HS6ST3: variants seen among roughly 807,000 people sequenced by gnomAD.
HS6ST3 encodes heparan sulfate 6-O-sulfotransferase 3.
Under a neutral mutation model 36.7 loss-of-function variants are expected in HS6ST3, and 12 were observed. That is an observed-to-expected ratio of 0.33 (90% CI 0.21 to 0.53). The LOEUF (loss-of-function observed/expected upper bound fraction) is 0.53, where lower values mean the gene tolerates loss of function less well. HS6ST3 is among the 20% of genes least tolerant of loss of function. The probability of loss-of-function intolerance (pLI) is 0.95; values close to 1 mark genes in which losing one functional copy is unlikely to be tolerated. For synonymous variants in HS6ST3, 240 were observed against 257.5 expected, an observed-to-expected ratio of 0.93 and a Z score of 0.65; for missense variants, 584 against 640.9, an observed-to-expected ratio of 0.91 and a Z score of 0.96.
chr13:96,610,691 G>A (rs1336873906), intron 1 of HS6ST3, among the ~76,000 whole-genome samples: 1 of 152,028 alleles, frequency 6.6e-6, no homozygotes, highest in Non-Finnish European at 1.5e-5. Flanking sequence ...ATGTTAATTA[G>A]AATACCTTCT....
At chr13:96,667,456 G>A (rs996662175) in intron 1 of HS6ST3, among the ~76,000 whole-genome samples, 3 of 152,124 alleles carry the variant, frequency 2.0e-5, no homozygotes, top group Non-Finnish European at 2.9e-5. Flanking sequence ...TGGTGAGAAC[G>A]TAAATTTTAC....
At position 96,528,091 on chromosome 13, in the gene HS6ST3, G is replaced by A. The variant is rs539134438; in HGVS notation, c.708-304399G>A. Among the ~76,000 whole-genome samples, 7 of 152,276 alleles carry A rather than the reference G, an allele frequency of 4.6e-5. No individual in the cohort carries two copies. The East Asian group carries it at 1.4e-3, about 29-fold the overall frequency. ...AATTACATTAAATCTTGAGCTGTGA[G>A]TACACATCTTTTTAACATTCTTTTT... is the stretch of plus-strand genomic sequence containing the variant. On this transcript the variant is annotated intron_variant, in intron 1 of 1. Transcript: ENST00000376705.
intron 1 of HS6ST3, among the ~76,000 whole-genome samples, chr13:96,327,482 A>G (rs1477302236): frequency 2.0e-5 from 3 of 151,974 alleles, no homozygotes; most frequent in African/African-American, 4.8e-5. Context: ...CAAAGATCAG[A>G]TAGTTGTAGA....
intron 1 of HS6ST3, among the ~76,000 whole-genome samples, chr13:96,470,859 T>G (rs2138890312): frequency 6.6e-6 from 1 of 152,292 alleles, no homozygotes. Flanking sequence ...CCACCTCCAA[T>G]TTACCATTTA....
At chr13:96,373,356 T>G (rs571418678) in intron 1 of HS6ST3, among the ~76,000 whole-genome samples, 1 of 152,222 alleles carries the variant, frequency 6.6e-6, no homozygotes, top group Non-Finnish European at 1.5e-5. Flanking sequence ...TACATGATCT[T>G]TAAATATTCC....
At chr13:96,359,707 C>G (rs2055227754) in intron 1 of HS6ST3, among the ~76,000 whole-genome samples, 1 of 152,158 alleles carries the variant, frequency 6.6e-6, no homozygotes, top group South Asian at 2.1e-4. Flanking sequence ...GAATCAGCAT[C>G]ATGCTGATTC....
chr13:96,214,835 T>G (rs1391190933), intron 1 of HS6ST3, among the ~76,000 whole-genome samples: 9 of 152,180 alleles, frequency 5.9e-5, no homozygotes, highest in Admixed American at 5.2e-4. Context: ...CACTATAACG[T>G]TAAGACCAAA....
intron 1 of HS6ST3, among the ~76,000 whole-genome samples, chr13:96,374,592 G>A (rs979160780): frequency 6.6e-6 from 1 of 152,108 alleles, no homozygotes; most frequent in Non-Finnish European, 1.5e-5. Context: ...TCCATCTTCT[G>A]CAAAGACCTT....
chr13:96,442,484 A>G (rs529320055), intron 1 of HS6ST3, among the ~76,000 whole-genome samples: 3 of 152,222 alleles, frequency 2.0e-5, no homozygotes, highest in Non-Finnish European at 4.4e-5. Flanking sequence ...TCAGCCAAGA[A>G]TTCGATGTCC....
At chr13:96,561,548 A>G (rs931656902) in intron 1 of HS6ST3, among the ~76,000 whole-genome samples, 5 of 152,152 alleles carry the variant, frequency 3.3e-5, no homozygotes, top group Non-Finnish European at 7.4e-5. Context: ...GACCTAAGTA[A>G]ATTAAAGAGC....
chr13:96,165,356 C>T (rs1279320127), intron 1 of HS6ST3, among the ~76,000 whole-genome samples: 1 of 152,068 alleles, frequency 6.6e-6, no homozygotes, highest in Non-Finnish European at 1.5e-5. Context: ...GGCTTTTGTC[C>T]TGGGGGACTT....
chr13:96,250,093 T>C (rs554269409), intron 1 of HS6ST3, among the ~76,000 whole-genome samples: 3 of 152,314 alleles, frequency 2.0e-5, no homozygotes, highest in East Asian at 3.9e-4. Context: ...TGGTAAACTT[T>C]ATGTTGTGAA....
At chr13:96,480,304 C>T (rs986193733) in intron 1 of HS6ST3, among the ~76,000 whole-genome samples, 10 of 151,846 alleles carry the variant, frequency 6.6e-5, no homozygotes, top group South Asian at 2.1e-4. Flanking sequence ...AGTAGAGATG[C>T]GGTTTCACCA....
intron 1 of HS6ST3, among the ~76,000 whole-genome samples, chr13:96,499,306 G>T (rs185245088): frequency 1.9e-4 from 29 of 152,170 alleles, no homozygotes; most frequent in Middle Eastern, 3.4e-3. Context: ...GATTACAGGC[G>T]TGAGCCACCA....
chr13:96,498,676 TAC>T (rs976593776), intron 1 of HS6ST3, among the ~76,000 whole-genome samples: 5 of 152,212 alleles, frequency 3.3e-5, no homozygotes, highest in Admixed American at 3.3e-4. Context: ...CCTAGACAGG[TAC>T]AGTCACCCTT....
chr13:96,799,290 A>G (rs1352581779), intron 1 of HS6ST3, among the ~76,000 whole-genome samples: 1 of 152,014 alleles, frequency 6.6e-6, no homozygotes, highest in African/African-American at 2.4e-5. Flanking sequence ...CTGACTTTTT[A>G]ATGATTGCCA....
At chr13:96,690,933 A>G (rs993717310) in intron 1 of HS6ST3, among the ~76,000 whole-genome samples, 2 of 152,148 alleles carry the variant, frequency 1.3e-5, no homozygotes, top group Non-Finnish European at 2.9e-5. Context: ...ATAGAGAAAC[A>G]TAAAATGTCA....
chr13:96,632,825 G>A (rs568080573), intron 1 of HS6ST3, among the ~76,000 whole-genome samples: 18 of 152,254 alleles, frequency 1.2e-4, no homozygotes, highest in African/African-American at 7.2e-5. Context: ...TGCAACATGC[G>A]TGATTAAAGA....
intron 1 of HS6ST3, among the ~76,000 whole-genome samples, chr13:96,773,654 T>C (rs757352597): frequency 2.6e-5 from 4 of 152,214 alleles, no homozygotes; most frequent in Non-Finnish European, 1.5e-5. Context: ...AGGGTATCTC[T>C]GAAAGAAAGG....
Sources: allele counts gnomAD v4.1 joint callset (sites outside exome capture counted in the v4.1 genomes callset), GRCh38; gene constraint gnomAD v4.1.1; transcripts MANE v1.5; gene names NCBI Gene and HGNC (gene_info 2026-07-23, HGNC 2026-07-21).